PHF14: variants seen among roughly 807,000 people sequenced by gnomAD.
The protein encoded by PHF14 is PHD finger protein 14.
Under a neutral mutation model 117.9 loss-of-function variants are expected in PHF14, and 55 were observed. The observed-to-expected ratio is 0.47, with a 90% CI of 0.38 to 0.58. The LOEUF is 0.58. Ranked by LOEUF, PHF14 falls within the 20% of genes least tolerant of loss-of-function variation. The pLI is 0.00. For synonymous variants in PHF14, 409 were observed against 368.6 expected (o/e 1.11, Z -1.26); for missense variants, 978 against 1,122.2 (o/e 0.87, Z 1.84).
At chr7:11,029,349 CTA>C (rs1264707812) in intron 7 of PHF14, among the ~76,000 whole-genome samples, 1 of 152,114 alleles carries the variant, frequency 6.6e-6, no homozygotes, top group African/African-American at 2.4e-5. Context: ...GAGTTTAAAA[CTA>C]TTTTCATTAC....
At chr7:11,145,490 T>C (rs1164620707) in intron 17 of PHF14, among the ~76,000 whole-genome samples, 2 of 152,106 alleles carry the variant, frequency 1.3e-5, no homozygotes, top group Non-Finnish European at 2.9e-5. Flanking sequence ...TACTTCACTA[T>C]AAGCAGAATA....
At chr7:11,115,655 C>T (rs1787579391) in intron 17 of PHF14, among the ~76,000 whole-genome samples, 1 of 151,870 alleles carries the variant, frequency 6.6e-6, no homozygotes, top group African/African-American at 2.4e-5. Flanking sequence ...CTGTCTGATC[C>T]TCAGATTTCA....
chr7:11,024,975 A>G (rs143659366), intron 6 of PHF14, among the ~76,000 whole-genome samples: 102 of 152,324 alleles, frequency 6.7e-4, no homozygotes, highest in Middle Eastern at 3.4e-3. Flanking sequence ...AAAACCTTCT[A>G]GAAAGGGGTC....
intron 7 of PHF14, among the ~76,000 whole-genome samples, chr7:11,029,963 G>A (rs1381683459): frequency 6.6e-6 from 1 of 151,830 alleles, no homozygotes; most frequent in African/African-American, 2.4e-5. Context: ...AAGAAAAATT[G>A]TAGAAAAAAA....
intron 4 of PHF14, chr7:11,006,742 G>T: frequency 2.9e-6 from 2 of 686,408 alleles, no homozygotes; most frequent in Non-Finnish European, 5.4e-6. Flanking sequence ...TGGAAGGTGG[G>T]TGACATGCGG....
At chr7:11,103,587 A>T in intron 16 of PHF14, 1 of 983,466 alleles carries the variant, frequency 1.0e-6, no homozygotes, top group Non-Finnish European at 1.2e-6. Flanking sequence ...ATTGAATTGC[A>T]CTTATACATG....
chr7:11,150,498 G>C (rs1299517767), intron 17 of PHF14, among the ~76,000 whole-genome samples: 1 of 152,068 alleles, frequency 6.6e-6, no homozygotes, highest in African/African-American at 2.4e-5. Context: ...ACTACTGAAT[G>C]AATAAAAGAA....
At chr7:11,064,215 T>A (rs1785343156) in intron 16 of PHF14, among the ~76,000 whole-genome samples, 1 of 151,976 alleles carries the variant, frequency 6.6e-6, no homozygotes, top group Non-Finnish European at 1.5e-5. Context: ...AAATTTCATA[T>A]GTTTAATAAA....
chr7:11,128,069 C>A (rs898541385), intron 17 of PHF14, among the ~76,000 whole-genome samples: 3 of 152,050 alleles, frequency 2.0e-5, no homozygotes, highest in Non-Finnish European at 2.9e-5. Flanking sequence ...AACTGCCCAA[C>A]TTCTCAAGAT....
chr7:11,162,700 CTT>C (rs5882294), intron 17 of PHF14, among the ~76,000 whole-genome samples: 105 of 127,868 alleles, frequency 8.2e-4, no homozygotes, highest in Admixed American at 1.2e-3. Flanking sequence ...AATCCAAAGT[CTT>C]TTTTTTTTTT....
At chr7:11,004,967 A>G (rs562761157) in intron 4 of PHF14, among the ~76,000 whole-genome samples, 3 of 152,220 alleles carry the variant, frequency 2.0e-5, no homozygotes, top group African/African-American at 4.8e-5. Context: ...CAGTAAGCCA[A>G]GATTCTGTCA....
intron 17 of PHF14, among the ~76,000 whole-genome samples, chr7:11,157,143 C>T (rs1788885425): frequency 6.6e-6 from 1 of 152,148 alleles, no homozygotes; most frequent in African/African-American, 2.4e-5. Context: ...ATGAGATCCT[C>T]TAGGCAATAA....
intron 17 of PHF14, among the ~76,000 whole-genome samples, chr7:11,159,051 T>C (rs185634252): frequency 1.7e-3 from 254 of 152,274 alleles, no homozygotes; most frequent in African/African-American, 6.0e-3. Context: ...TATTGAAATA[T>C]TTAAATCAGG....
chr7:11,056,875 A>G (rs1430741508), intron 14 of PHF14, among the ~76,000 whole-genome samples: 4 of 150,918 alleles, frequency 2.7e-5, no homozygotes, highest in Non-Finnish European at 4.4e-5. Context: ...AATAGCTGCC[A>G]GAAAGCTACT....
At chr7:11,048,056 T>A (rs1784735083) in intron 13 of PHF14, among the ~76,000 whole-genome samples, 1 of 152,124 alleles carries the variant, frequency 6.6e-6, no homozygotes, top group Non-Finnish European at 1.5e-5. Flanking sequence ...ACTTTAAATT[T>A]TTAATTGGCT....
Position 10,985,232 on chromosome 7 carries a change from A to G in PHF14, c.900+2073A>G, listed in dbSNP as rs1407084016. Among the ~76,000 whole-genome samples, 6 of 152,240 alleles carry G rather than the reference A, an allele frequency of 3.9e-5. No homozygotes were observed. The South Asian group carries it at 1.0e-3, about 26-fold the overall frequency. ...GCCTGTGGCCAATGTTTGGGTCTTA[A>G]TCTTCCTGGTTATTTTAGCTAGTGA... On this transcript the variant is annotated intron_variant, in intron 3 of 17. Coordinates refer to ENST00000634607, the MANE Select transcript of PHF14 (RefSeq NM_001007157.2).
intron 17 of PHF14, among the ~76,000 whole-genome samples, chr7:11,167,351 T>C (rs1789231247): frequency 6.6e-6 from 1 of 152,218 alleles, no homozygotes; most frequent in South Asian, 2.1e-4. Context: ...TTCACTGTTG[T>C]TATATAGTAA....
At chr7:11,026,888 C>G (rs1299089044) in intron 6 of PHF14, among the ~76,000 whole-genome samples, 2 of 152,114 alleles carry the variant, frequency 1.3e-5, no homozygotes, top group Admixed American at 6.5e-5. Flanking sequence ...TAGGTACTCT[C>G]TGGCTTCTCT....
chr7:11,087,046 G>T (rs1004215113), intron 16 of PHF14, among the ~76,000 whole-genome samples: 4 of 152,088 alleles, frequency 2.6e-5, no homozygotes, highest in Non-Finnish European at 5.9e-5. Context: ...CCAGTTTTGG[G>T]TAGCATAAAA....
Sources: allele counts gnomAD v4.1 joint callset (sites outside exome capture counted in the v4.1 genomes callset), GRCh38; gene constraint gnomAD v4.1.1; transcripts MANE v1.5; gene names NCBI Gene and HGNC (gene_info 2026-07-23, HGNC 2026-07-21).